HFM1: variants seen among roughly 807,000 people sequenced by gnomAD.
HFM1 encodes the protein helicase for meiosis 1, also known as probable ATP-dependent DNA helicase HFM1.
Under a neutral mutation model 192.1 loss-of-function variants are expected in HFM1, and 169 were observed. The ratio of observed to expected loss-of-function variants is 0.88; its 90% CI spans 0.78 to 1.00. The LOEUF is 1.00. Among genes scored for constraint, HFM1 ranks in the 50% least tolerant of loss-of-function variants. HFM1 has a pLI of 0.00. For synonymous variants in HFM1, 525 were observed against 537.8 expected (o/e 0.98, Z 0.33); for missense variants, 1,661 against 1,668.0 (o/e 1.00, Z 0.07).
At chr1:91,382,562 A>G (rs1661679003) in intron 6 of HFM1, among the ~76,000 whole-genome samples, 1 of 152,222 alleles carries the variant, frequency 6.6e-6, no homozygotes, top group Admixed American at 6.5e-5. Context: ...GCAAAGTGTC[A>G]TATCTGTGCC....
intron 7 of HFM1, 72 bp from the exon 8 acceptor site, chr1:91,380,308 A>C (rs1007441743): frequency 3.1e-5 from 30 of 979,946 alleles, no homozygotes; most frequent in Non-Finnish European, 4.2e-5. Flanking sequence ...TGTTAAAAAA[A>C]AAGTCTTAGT....
At position 91,378,099 on chromosome 1, in the gene HFM1, T is replaced by C. The variant is rs371806710; in HGVS notation, c.1321A>G (p.Thr441Ala). The C allele has an allele frequency of 6.2e-7, 1 of 1,612,056 alleles. No individual in the cohort carries two copies. The highest frequency in any genetic ancestry group is 8.5e-7 in the Non-Finnish European group (1 of 1,178,764). Residue 441 changes from threonine to alanine, a missense_variant, in exon 11 of 39, where the codon ACT (threonine) becomes GCT (alanine). Transcript: ENST00000370425. ...RMKTVQSVSQ[T>A]LKNTSTAIPM... ...ATAGCAGTGCTGGTATTTTTTAAAG[T>C]CTGAGAAACAGACTGTACAGTTTTC...
chr1:91,283,047 A>C (rs1298638667), intron 30 of HFM1, among the ~76,000 whole-genome samples: 2 of 152,074 alleles, frequency 1.3e-5, no homozygotes, highest in Non-Finnish European at 2.9e-5. Flanking sequence ...TTGTTTATAG[A>C]ACACTAGCAC....
intron 5 of HFM1, 68 bp downstream of exon 5, chr1:91,385,507 T>A: frequency 7.7e-7 from 1 of 1,298,010 alleles, no homozygotes; most frequent in South Asian, 1.5e-5. Flanking sequence ...ATTTTTACAT[T>A]TTCCCCCATG....
intron 30 of HFM1, among the ~76,000 whole-genome samples, chr1:91,277,505 G>GT (rs1491177127): frequency 0.01 from 353 of 34,128 alleles, 4 homozygotes; most frequent in African/African-American, 0.031. Context: ...TCTCCCTGGT[G>GT]GGTGTGTGTG....
rs1422321640 is a variant in HFM1, at chr1:91,274,911, A to G, written c.3589-102T>C. ...TTCCTGCTGGTACATAAAGTCCCCA[A>G]ATCAATGAATTAGGAGAAACTCAGG... On this transcript the variant is annotated intron_variant, in intron 32 of 38. Transcript: ENST00000370425. 1.1e-5 allele frequency: 6 copies of G among 546,666 alleles called. No individual in the cohort carries two copies. In the East Asian group the frequency reaches 1.2e-4, roughly 11 times the overall value. 33.9% of individuals were successfully genotyped at this position (546,666 alleles called of 1,614,324 possible). A position where few individuals can be genotyped will look rare whatever the true frequency, so the allele number is the denominator to read the frequency against.
chr1:91,288,981 C>T (rs541036475), intron 30 of HFM1, among the ~76,000 whole-genome samples: 16 of 149,612 alleles, frequency 1.1e-4, no homozygotes, highest in Admixed American at 7.9e-4. Context: ...ACCTCCCGGA[C>T]GGGGCGGCTG....
intron 6 of HFM1, among the ~76,000 whole-genome samples, chr1:91,382,290 T>G (rs998563598): frequency 2.0e-5 from 3 of 152,138 alleles, no homozygotes; most frequent in Non-Finnish European, 2.9e-5. Context: ...CCTGCTCTAC[T>G]TTTTTCTTTT....
Position 91,375,393 on chromosome 1 carries a change from A to G in HFM1, c.1650T>C (p.Asp550=), listed in dbSNP as rs1452927597. The change falls in exon 13 of 39, where the codon GAT becomes GAC. Residue 550 remains aspartate (D), a synonymous_variant. Transcript: ENST00000370425. The part of the protein sequence containing the change: ...VQQAASVLVK[D]AKFIMTVEQK... ...GTTCCACAGTCATAATAAATTTAGCATCTTTCACAAGAACAGAAGCAGCCT... is the reference window on the plus strand; with the variant it reads ...GTTCCACAGTCATAATAAATTTAGCGTCTTTCACAAGAACAGAAGCAGCCT... The G allele has an allele frequency of 1.9e-6, 3 of 1,612,874 alleles. No homozygotes were observed. The highest frequency in any genetic ancestry group is 1.7e-4 in the Middle Eastern group (1 of 6,036).
intron 13 of HFM1, among the ~76,000 whole-genome samples, chr1:91,374,473 A>T (rs1334341959): frequency 6.6e-6 from 1 of 152,186 alleles, no homozygotes; most frequent in African/African-American, 2.4e-5. Context: ...AGTGACTTGA[A>T]TTAGGGAAGT....
At position 91,311,231 on chromosome 1, in the gene HFM1, G is replaced by T. The variant is rs182890390; in HGVS notation, c.3391+2118C>A. On this transcript the variant is annotated intron_variant, in intron 30 of 38. Coordinates refer to ENST00000370425, the MANE Select transcript of HFM1 (RefSeq NM_001017975.6). ...TTTGCCCCTGCCCAAGAGATTTGTG[G>T]AACTTTTAACTTGAGAGAGATGATT... is the stretch of plus-strand genomic sequence containing the variant. 1.4e-3 allele frequency among the ~76,000 whole-genome samples: 214 copies of T among 152,260 alleles called. 1 individual carries two copies. The highest frequency in any genetic ancestry group is 2.5e-3 in the Non-Finnish European group (171 of 68,010).
At chr1:91,372,110 A>T (rs1240230438) in intron 13 of HFM1, among the ~76,000 whole-genome samples, 1 of 152,228 alleles carries the variant, frequency 6.6e-6, no homozygotes, top group African/African-American at 2.4e-5. Flanking sequence ...GAGGATGTGG[A>T]GAAATAGGAA....
At chr1:91,405,207 C>T (rs1664743733), upstream of HFM1, among the ~76,000 whole-genome samples, 1 of 152,068 alleles carries the variant, frequency 6.6e-6, no homozygotes, top group African/African-American at 2.4e-5. Flanking sequence ...CACAGTGGCA[C>T]TCATGAGGTC....
chr1:91,371,906 C>A (rs1216986714), intron 13 of HFM1, among the ~76,000 whole-genome samples: 1 of 152,114 alleles, frequency 6.6e-6, no homozygotes, highest in Non-Finnish European at 1.5e-5. Context: ...AAACAAACAA[C>A]CCCAACAAAA....
intron 6 of HFM1, 62 bp from the exon 7 acceptor site, chr1:91,381,044 A>T (rs200561716): frequency 2.6e-6 from 2 of 759,288 alleles, no homozygotes; most frequent in Non-Finnish European, 2.3e-6. Flanking sequence ...CTTTTATTTT[A>T]AAACTAAGTT....
chr1:91,367,249 G>A (rs551999857), intron 13 of HFM1, among the ~76,000 whole-genome samples: 9 of 152,164 alleles, frequency 5.9e-5, no homozygotes, highest in Admixed American at 2.0e-4. Flanking sequence ...TGACACATTG[G>A]AAGACAGTAG....
At chr1:91,319,005 A>G (rs1379213318) in intron 25 of HFM1, 73 bp downstream of exon 25, 27 of 1,410,480 alleles carry the variant, frequency 1.9e-5, no homozygotes, top group Non-Finnish European at 2.5e-5. Context: ...TCATCACAGA[A>G]TAATTTTACT....
At position 91,352,625 on chromosome 1, in the gene HFM1, C is replaced by G; in HGVS notation, c.1858G>C (p.Val620Leu). 6.2e-7 allele frequency: 1 copy of G among 1,607,730 alleles called. No individual in the cohort carries two copies. The highest frequency in any genetic ancestry group is 8.5e-7 in the Non-Finnish European group (1 of 1,176,706). Reference protein sequence around the residue: ...LFTTSTLAMGVNLPAHLVVIK... With the variant: ...LFTTSTLAMGLNLPAHLVVIK... ...ACTACTAGGTGAGCAGGCAAATTTA[C>G]TCCCATAGCTAAAGTACTGGTAGTA... is the stretch of plus-strand genomic sequence containing the variant. Residue 620 changes from valine (V) to leucine (L), a missense_variant, in exon 16 of 39, where the codon GTA (valine) becomes CTA (leucine). Coordinates refer to ENST00000370425, the MANE Select transcript of HFM1 (RefSeq NM_001017975.6).
At chr1:91,380,400 G>A (rs951524036) in intron 7 of HFM1, among the ~76,000 whole-genome samples, 164 bp from the exon 8 acceptor site, 2 of 151,998 alleles carry the variant, frequency 1.3e-5, no homozygotes, top group Non-Finnish European at 2.9e-5. Flanking sequence ...CTCCACTCTC[G>A]AAAAATAACA....
Sources: allele counts gnomAD v4.1 joint callset (sites outside exome capture counted in the v4.1 genomes callset), GRCh38; gene constraint gnomAD v4.1.1; transcripts MANE v1.5; gene names NCBI Gene and HGNC (gene_info 2026-07-23, HGNC 2026-07-21).